Variants in NKAIN2 observed in about 807,000 individuals in gnomAD.
NKAIN2 encodes the protein sodium/potassium-transporting ATPase subunit beta-1-interacting protein 2.
In NKAIN2, 14 loss-of-function variants were observed where a neutral mutation model predicts 32.6. The ratio of observed to expected loss-of-function variants is 0.43; its 90% CI spans 0.28 to 0.67. The LOEUF is 0.67. Ranked by LOEUF, NKAIN2 falls within the 30% of genes least tolerant of loss-of-function variation. The pLI is 0.17. For missense variants in NKAIN2, 198 were observed against 258.3 expected (o/e 0.77, Z 1.60); for synonymous variants, 80 against 87.2 (o/e 0.92, Z 0.46).
chr6:124,554,932 T>C (rs985609264), intron 3 of NKAIN2, among the ~76,000 whole-genome samples: 4 of 152,104 alleles, frequency 2.6e-5, no homozygotes, highest in Admixed American at 6.5e-5. Context: ...TGCTGCTGAA[T>C]CCCTCCAGCT....
chr6:124,336,678 G>GT (rs1554283909), intron 2 of NKAIN2, among the ~76,000 whole-genome samples: 174 of 57,242 alleles, frequency 3.0e-3, no homozygotes, highest in African/African-American at 0.013. Context: ...GTTTTTTTTT[G>GT]TTTGTTTTTT....
chr6:124,494,922 T>C (rs9482563), intron 3 of NKAIN2, among the ~76,000 whole-genome samples: 56,418 of 151,934 alleles, frequency 0.37, 10,909 homozygotes, highest in South Asian at 0.46. Flanking sequence ...GGCCATTTTG[T>C]TCTCACTAAT....
At chr6:124,111,997 A>G (rs1424567100) in intron 1 of NKAIN2, among the ~76,000 whole-genome samples, 1 of 152,084 alleles carries the variant, frequency 6.6e-6, no homozygotes, top group Non-Finnish European at 1.5e-5. Flanking sequence ...AAATCTATTC[A>G]TATTATTTAT....
chr6:124,108,379 G>C (rs1201468956), intron 1 of NKAIN2, among the ~76,000 whole-genome samples: 1 of 151,988 alleles, frequency 6.6e-6, no homozygotes, highest in African/African-American at 2.4e-5. Context: ...TATGGCAAGA[G>C]GTGTGGCTAT....
chr6:124,296,132 G>A (rs528245402), intron 2 of NKAIN2, among the ~76,000 whole-genome samples: 146 of 151,920 alleles, frequency 9.6e-4, no homozygotes, highest in Non-Finnish European at 1.7e-3. Context: ...CACCACCTTG[G>A]ATGCAAATTT....
intron 1 of NKAIN2, among the ~76,000 whole-genome samples, chr6:124,097,319 G>C (rs1193166526): frequency 6.6e-6 from 1 of 151,026 alleles, no homozygotes; most frequent in African/African-American, 2.4e-5. Flanking sequence ...CGGGAGAATC[G>C]CTTGAACCTG....
chr6:123,877,096 T>C (rs1773203732), intron 1 of NKAIN2, among the ~76,000 whole-genome samples: 2 of 152,166 alleles, frequency 1.3e-5, no homozygotes, highest in Admixed American at 6.5e-5. Context: ...CAATTAGAAA[T>C]GTGTTTTTCT....
intron 1 of NKAIN2, among the ~76,000 whole-genome samples, chr6:123,828,043 T>G (rs1774223710): frequency 6.6e-6 from 1 of 152,188 alleles, no homozygotes; most frequent in South Asian, 2.1e-4. Flanking sequence ...TCCTTTTCTT[T>G]GGAATAGCCT....
chr6:124,647,646 C>A (rs930116284), intron 3 of NKAIN2, among the ~76,000 whole-genome samples: 1 of 150,958 alleles, frequency 6.6e-6, no homozygotes, highest in Non-Finnish European at 1.5e-5. Flanking sequence ...AAAACAGATG[C>A]AAAATACCAA....
At chr6:124,650,559 C>T (rs1455913666) in intron 3 of NKAIN2, among the ~76,000 whole-genome samples, 1 of 151,870 alleles carries the variant, frequency 6.6e-6, no homozygotes, top group African/African-American at 2.4e-5. Flanking sequence ...GGCAGAAAGG[C>T]AAAAAGACAG....
At chr6:124,437,260 T>C (rs1399697960) in intron 3 of NKAIN2, among the ~76,000 whole-genome samples, 1 of 152,216 alleles carries the variant, frequency 6.6e-6, no homozygotes, top group African/African-American at 2.4e-5. Flanking sequence ...AATTTTTTTC[T>C]TGTTTATAAT....
intron 2 of NKAIN2, among the ~76,000 whole-genome samples, chr6:124,348,262 A>T (rs1425188730): frequency 6.6e-6 from 1 of 151,326 alleles, no homozygotes; most frequent in African/African-American, 2.4e-5. Flanking sequence ...GGTGCCTCTC[A>T]GGCTGCTCGG....
chr6:124,589,224 G>A (rs1225598840), intron 3 of NKAIN2, among the ~76,000 whole-genome samples: 2 of 152,116 alleles, frequency 1.3e-5, no homozygotes, highest in African/African-American at 2.4e-5. Context: ...ACTTGTTAAA[G>A]GAGTACACTG....
intron 1 of NKAIN2, among the ~76,000 whole-genome samples, chr6:124,129,834 G>A (rs1169002241): frequency 6.6e-6 from 1 of 152,150 alleles, no homozygotes; most frequent in South Asian, 2.1e-4. Flanking sequence ...AGCCAGGCTG[G>A]TCTTGAACTC....
chr6:124,192,750 T>TG (rs1790085262), intron 1 of NKAIN2, among the ~76,000 whole-genome samples: 1 of 135,060 alleles, frequency 7.4e-6, no homozygotes, highest in Non-Finnish European at 1.6e-5. Context: ...CGTTTTTTTT[T>TG]TTTTTTTTTT....
chr6:124,224,866 G>A (rs1302519242), intron 1 of NKAIN2, among the ~76,000 whole-genome samples: 1 of 152,066 alleles, frequency 6.6e-6, no homozygotes, highest in African/African-American at 2.4e-5. Flanking sequence ...ACTGGGTGTA[G>A]TAATTTAGGA....
intron 5 of NKAIN2, among the ~76,000 whole-genome samples, chr6:124,792,804 A>T (rs531273023): frequency 6.6e-6 from 1 of 152,264 alleles, no homozygotes; most frequent in East Asian, 1.9e-4. Context: ...CCTGTGCTAC[A>T]GGTAGACAGC....
At chr6:124,255,689 C>T (rs931382951) in intron 1 of NKAIN2, among the ~76,000 whole-genome samples, 2 of 152,182 alleles carry the variant, frequency 1.3e-5, no homozygotes, top group African/African-American at 4.8e-5. Context: ...TCAGAATGTT[C>T]AAACTTCTTT....
At chr6:124,068,063 G>A (rs781356356) in intron 1 of NKAIN2, among the ~76,000 whole-genome samples, 3 of 152,064 alleles carry the variant, frequency 2.0e-5, no homozygotes, top group Non-Finnish European at 4.4e-5. Context: ...GAAGAACTGA[G>A]GTATGTAGAG....
Sources: allele counts gnomAD v4.1 joint callset (sites outside exome capture counted in the v4.1 genomes callset), GRCh38; gene constraint gnomAD v4.1.1; transcripts MANE v1.5; gene names NCBI Gene and HGNC (gene_info 2026-07-23, HGNC 2026-07-21).